EEF1A1: variants seen among roughly 807,000 people sequenced by gnomAD.
EEF1A1 encodes the protein eukaryotic translation elongation factor 1 alpha 1.
In EEF1A1, 1 loss-of-function variant was observed where a neutral mutation model predicts 38.5. The observed-to-expected ratio is 0.03, with a 90% confidence interval of 0.01 to 0.12. The LOEUF (loss-of-function observed/expected upper bound fraction) is 0.12. EEF1A1 is among the 10% of genes least tolerant of loss of function. The probability of loss-of-function intolerance (pLI) is 1.00; values close to 1 mark genes in which losing one functional copy is unlikely to be tolerated. For missense variants in EEF1A1, 184 were observed against 588.3 expected, an observed-to-expected ratio of 0.31 and a Z score of 7.11; for synonymous variants, 229 against 203.7, an observed-to-expected ratio of 1.12 and a Z score of -1.06.
intron 6 of EEF1A1, 45 bp from the exon 7 acceptor site, chr6:73,518,309 T>C: frequency 1.2e-6 from 2 of 1,611,136 alleles, no homozygotes; most frequent in African/African-American, 1.3e-5. Context: ...AAGTCTCAAA[T>C]GACTTTAGCC....
In EEF1A1 at chr6:73,518,923, G is replaced by C. The variant is rs1314585851; in HGVS notation, c.621+9C>G. Reference sequence around the variant, plus strand: ...GAGCTTTTTAACAATGGTCTTGAAAGCCACTTACGTTAGCACTTGGCTCCA... The same window carrying C: ...GAGCTTTTTAACAATGGTCTTGAAACCCACTTACGTTAGCACTTGGCTCCA... On this transcript the variant is annotated intron_variant, in intron 4 of 7. Coordinates refer to ENST00000309268, the MANE Select transcript of EEF1A1 (RefSeq NM_001402.6). The C allele has an allele frequency of 2.5e-6, 4 of 1,611,640 alleles. No individual in the cohort carries two copies. In the African/African-American group the frequency reaches 5.3e-5, roughly 22 times the overall value.
rs1765532399 is a variant in EEF1A1 at position 73,516,938 on chromosome 6, A to G, written c.*872T>C. ...GAGAAAAGCAATGTAGATTAGTCTA[A>G]TTTTATAGCTACTTCAAATTGCCAT... On this transcript the variant is annotated 3_prime_UTR_variant, in exon 8 of 8. Transcript: ENST00000309268. 1 of 152,206 alleles carries G rather than the reference A, an allele frequency of 6.6e-6. No individual in the cohort carries two copies. The highest frequency in any genetic ancestry group is 2.4e-5 in the African/African-American group (1 of 41,438). 9.4% of individuals were successfully genotyped at this position (152,206 alleles called of 1,614,324 possible).
Position 73,520,063 on chromosome 6 carries a change from TG to T in EEF1A1, c.-30-8del, listed in dbSNP as rs1194969011. ...GGGGTAGTTTTCACGACACCTGAAA[TG>T]GAAGAAAAAAACTTTGAACCACTGT... is the stretch of plus-strand genomic sequence containing the variant. On this transcript the variant is annotated splice_polypyrimidine_tract_variant and splice_region_variant and intron_variant, in intron 1 of 7. Transcript: ENST00000309268. 6.3e-7 allele frequency: 1 copy of T among 1,577,046 alleles called. No individual in the cohort carries two copies. Among genetic ancestry groups the T allele is most frequent in the East Asian group, 2.2e-5 (1 of 44,738 alleles).
At chr6:73,519,762 G>T (rs1211212226) in intron 2 of EEF1A1, 121 bp downstream of exon 2, 5 of 1,424,062 alleles carry the variant, frequency 3.5e-6, no homozygotes, top group Non-Finnish European at 4.7e-6. Flanking sequence ...TATTTCATAA[G>T]TAAGGTCTTA....
chr6:73,519,451 A>G lies in EEF1A1; in HGVS notation c.210T>C (p.Gly70=). The change falls in exon 3 of 8, where the codon GGT becomes GGC. Residue 70 remains glycine (G), a synonymous_variant. Coordinates refer to ENST00000309268, the MANE Select transcript of EEF1A1 (RefSeq NM_001402.6). ...TCCACAAGGAGATATCAATGGTGAT[A>G]CCACGTTCACGCTCAGCTTTCAGTT... is the stretch of plus-strand genomic sequence containing the variant. ...LDKLKAERER[G]ITIDISLWKF... is the part of the protein sequence containing the mutation. 6.2e-7 allele frequency: 1 copy of G among 1,602,296 alleles called. No individual in the cohort carries two copies. The highest frequency in any genetic ancestry group is 8.5e-7 in the Non-Finnish European group (1 of 1,179,566).
chr6:73,516,623 G>C lies in EEF1A1; in HGVS notation c.*1187C>G, dbSNP rs1036429967. The stretch of plus-strand genomic sequence containing the variant: ...TTAAAAACCATCACACAAACAGAAA[G>C]CATGTCCTTTAATTTTACCTATCCT... On this transcript the variant is annotated 3_prime_UTR_variant, in exon 8 of 8. Transcript: ENST00000309268. 1.3e-5 allele frequency: 2 copies of C among 151,890 alleles called. No individual in the cohort carries two copies. Among genetic ancestry groups the C allele is most frequent in the African/African-American group, 4.8e-5 (2 of 41,356 alleles). The allele number at this position is 151,890 out of a possible 1,614,324, so 9.4% of individuals were successfully genotyped here.
rs761688955 is a variant in EEF1A1, at chr6:73,518,363, G to A, written c.1020C>T (p.Phe340=). 6.2e-7 allele frequency: 1 copy of A among 1,613,876 alleles called. No homozygotes were observed. Among genetic ancestry groups the A allele is most frequent in the South Asian group, 1.1e-5 (1 of 91,062 alleles). ...KNDPPMEAAG[F]TAQVIILNHP... is the part of the protein sequence containing the mutation. ...TACTTTAAATTGTTACCTGAGCAGTGAAGCCAGCTGCTTCCATTGGTGGGT... is the reference window on the plus strand; with the variant it reads ...TACTTTAAATTGTTACCTGAGCAGTAAAGCCAGCTGCTTCCATTGGTGGGT... Residue 340 remains phenylalanine, a synonymous_variant, in exon 6 of 8, where the codon TTC becomes TTT. Transcript: ENST00000309268.
chr6:73,517,976 G>A, intron 7 of EEF1A1, 42 bp from the exon 8 acceptor site: 1 of 1,612,908 alleles, frequency 6.2e-7, no homozygotes, highest in South Asian at 1.1e-5. Flanking sequence ...GTACTGTTCA[G>A]TTGTATTTTT....
chr6:73,519,514 C>T lies in EEF1A1; in HGVS notation c.147G>A (p.Met49Ile). The T allele has an allele frequency of 6.3e-7, 1 of 1,595,430 alleles. No individual in the cohort carries two copies. The highest frequency in any genetic ancestry group is 8.5e-7 in the Non-Finnish European group (1 of 1,176,696). ...AGGCATACTTGAAGGAGCCCTTTCCCATCTGTAAGGATTAAGAGTCGTTAC... is the reference window on the plus strand; with the variant it reads ...AGGCATACTTGAAGGAGCCCTTTCCTATCTGTAAGGATTAAGAGTCGTTAC... ...IEKFEKEAAE[M>I]GKGSFKYAWV... is the part of the protein sequence containing the mutation. The change falls in exon 3 of 8, where the codon ATG becomes ATA. Residue 49 changes from methionine (M) to isoleucine (I), a missense_variant and splice_region_variant. By Grantham distance (10) the Met-to-Ile change is conservative. Around this residue, in one of 3 missense-constraint regions of EEF1A1, gnomAD observed 57 missense variants for 228.1 expected, o/e 0.25. Transcript: ENST00000309268.
chr6:73,520,010 G>T lies in EEF1A1; in HGVS notation c.17C>A (p.Thr6Asn). The change falls in exon 2 of 8, where the codon ACT becomes AAT. Residue 6 changes from threonine to asparagine, a missense_variant. Thr to Asn is a moderately conservative substitution (Grantham distance 65). Coordinates refer to ENST00000309268, the MANE Select transcript of EEF1A1 (RefSeq NM_001402.6). ...TCCAATGACGACAATGTTGATATGA[G>T]TCTTTTCCTTTCCCATTTTGGCTTT... is the stretch of plus-strand genomic sequence containing the variant. MGKEK[T>N]HINIVVIGHV... 1 of 1,594,202 alleles carries T rather than the reference G, an allele frequency of 6.3e-7. No homozygotes were observed. Among genetic ancestry groups the T allele is most frequent in the Non-Finnish European group, 8.5e-7 (1 of 1,178,396 alleles).
At chr6:73,518,668 C>T in intron 5 of EEF1A1, 30 bp downstream of exon 5, 1 of 1,613,118 alleles carries the variant, frequency 6.2e-7, no homozygotes, top group African/African-American at 1.3e-5. Flanking sequence ...TCTATCAACT[C>T]AAATTCAACT....
chr6:73,520,194 T>C (rs1265068893), intron 1 of EEF1A1, 138 bp from the exon 2 acceptor site: 3 of 755,714 alleles, frequency 4.0e-6, no homozygotes, highest in Non-Finnish European at 4.1e-6. Context: ...ACCCACTCAG[T>C]GTGGGGAAAC....
At position 73,517,523 on chromosome 6, in the gene EEF1A1, T is replaced by C. The variant is rs560084399; in HGVS notation, c.*287A>G. On this transcript the variant is annotated 3_prime_UTR_variant, in exon 8 of 8. Coordinates refer to ENST00000309268, the MANE Select transcript of EEF1A1 (RefSeq NM_001402.6). ...CCAAAGGAACACACAGGTTTCTCAT[T>C]TAACTTTTTTAATGGGTCTCAAAAT... 21 of 359,136 alleles carry C rather than the reference T, an allele frequency of 5.8e-5. No individual in the cohort carries two copies. The South Asian group carries it at 1.1e-3, about 20-fold the overall frequency. The allele number at this position is 359,136 out of a possible 1,614,324, so 22.2% of individuals were successfully genotyped here.
chr6:73,516,151 A>C lies in EEF1A1; in HGVS notation c.*1659T>G, dbSNP rs1474187819. ...TACCTCAGAGCACTGGCTGATGGGA[A>C]GGCATTTTATCTAATTCAGACTCAG... On this transcript the variant is annotated 3_prime_UTR_variant, in exon 8 of 8. Transcript: ENST00000309268. 3.3e-5 allele frequency: 5 copies of C among 152,270 alleles called. No individual in the cohort carries two copies. The highest frequency in any genetic ancestry group is 7.3e-5 in the Non-Finnish European group (5 of 68,050). The allele number at this position is 152,270 out of a possible 1,614,324, so 9.4% of individuals were successfully genotyped here. A position where few individuals can be genotyped will look rare whatever the true frequency, so the allele number is the denominator to read the frequency against.
rs1765571158 is a variant in EEF1A1, at chr6:73,518,255, G to A, written c.1039C>T (p.Leu347=). 6.2e-7 allele frequency: 1 copy of A among 1,613,798 alleles called. No homozygotes were observed. Among genetic ancestry groups the A allele is most frequent in the Admixed American group, 1.7e-5 (1 of 59,984 alleles). The change falls in exon 7 of 8, where the codon CTG becomes TTG. Residue 347 remains leucine (L), a synonymous_variant. Transcript: ENST00000309268. ...GCGCTTATTTGGCCTGGATGGTTCA[G>A]GATAATCACCTTGGAAAAAAGATTT... ...AAGFTAQVII[L]NHPGQISAGY... is the part of the protein sequence containing the mutation.
At chr6:73,520,434 C>A (rs1198842415) in intron 1 of EEF1A1, 1 of 162,792 alleles carries the variant, frequency 6.1e-6, no homozygotes, top group Non-Finnish European at 1.3e-5. Context: ...GGCCATCTTT[C>A]CGCTCACGCA....
chr6:73,520,141 G>T, intron 1 of EEF1A1, 85 bp from the exon 2 acceptor site: 1 of 1,320,740 alleles, frequency 7.6e-7, no homozygotes, highest in Non-Finnish European at 1.0e-6. Flanking sequence ...CAAATTCCAA[G>T]GAGAATTACA....
In EEF1A1 at chr6:73,519,461, C is replaced by T. The variant is rs2150051830; in HGVS notation, c.200G>A (p.Arg67His). 1.2e-6 allele frequency: 2 copies of T among 1,601,276 alleles called. No homozygotes were observed. Among genetic ancestry groups the T allele is most frequent in the Non-Finnish European group, 1.7e-6 (2 of 1,179,482 alleles). Reference protein sequence around the residue: ...AWVLDKLKAERERGITIDISL... With the variant: ...AWVLDKLKAEHERGITIDISL... ...GATATCAATGGTGATACCACGTTCA[C>T]GCTCAGCTTTCAGTTTATCCAAGAC... Residue 67 changes from arginine to histidine, a missense_variant, in exon 3 of 8, where the codon CGT (arginine) becomes CAT (histidine). Around this residue, in one of 3 missense-constraint regions of EEF1A1, gnomAD observed 57 missense variants for 228.1 expected, o/e 0.25. Coordinates refer to ENST00000309268, the MANE Select transcript of EEF1A1 (RefSeq NM_001402.6).
chr6:73,519,317 GAAT>G lies in EEF1A1; in HGVS notation c.324+17_324+19del. 1 of 1,606,756 alleles carries G rather than the reference GAAT, an allele frequency of 6.2e-7. No individual in the cohort carries two copies. The highest frequency in any genetic ancestry group is 8.5e-7 in the Non-Finnish European group (1 of 1,175,430). On this transcript the variant is annotated intron_variant, in intron 3 of 7. Transcript: ENST00000309268. Reference sequence around the variant, plus strand: ...AAGCCTTTTGGGATAAAGAAACCTAGAATTATTAATCCCACCAACCTGAGATGT... The same window carrying G: ...AAGCCTTTTGGGATAAAGAAACCTAGTATTAATCCCACCAACCTGAGATGT...
Sources: gnomAD v4.1 joint callset for allele counts on GRCh38, gnomAD v4.1.1 for gene constraint, gnomAD v4.1.1 regional missense constraint, MANE v1.5 for transcripts, NCBI Gene and HGNC (gene_info 2026-07-23, HGNC 2026-07-21) for gene names.